The following MAD1L1 variants were observed in gnomAD, a reference collection of about 807,000 sequenced individuals.
The protein encoded by MAD1L1 is mitotic spindle assembly checkpoint protein MAD1.
Under a neutral mutation model 96.9 loss-of-function variants are expected in MAD1L1, and 95 were observed. The observed-to-expected ratio is 0.98, with a 90% CI of 0.83 to 1.16. The LOEUF (loss-of-function observed/expected upper bound fraction) is 1.16. Among genes scored for constraint, MAD1L1 ranks in the 50% most tolerant of loss-of-function variants. The pLI is 0.00. For missense variants in MAD1L1, 1,007 were observed against 954.4 expected, an observed-to-expected ratio of 1.06 and a Z score of -0.73; for synonymous variants, 473 against 396.6, an observed-to-expected ratio of 1.19 and a Z score of -2.29.
intron 17 of MAD1L1, among the ~76,000 whole-genome samples, chr7:1,914,462 G>A (rs996859008): frequency 2.6e-5 from 4 of 152,246 alleles, no homozygotes; most frequent in Admixed American, 1.3e-4. Context: ...AGGAAAGGCC[G>A]TGTGCCAAGG....
At chr7:2,100,817 T>A (rs1786743677) in intron 11 of MAD1L1, among the ~76,000 whole-genome samples, 1 of 152,204 alleles carries the variant, frequency 6.6e-6, no homozygotes, top group African/African-American at 2.4e-5. Flanking sequence ...GAACAGCTCG[T>A]TGCCCAAGGC....
intron 11 of MAD1L1, among the ~76,000 whole-genome samples, chr7:2,124,333 G>A (rs1232814047): frequency 6.6e-6 from 1 of 152,222 alleles, no homozygotes; most frequent in African/African-American, 2.4e-5. Flanking sequence ...CACAGACACG[G>A]GGGTGTGGAA....
At position 1,876,181 on chromosome 7, in the gene MAD1L1, A is replaced by C. The variant is rs547842721; in HGVS notation, c.1998+22019T>G. Among the ~76,000 whole-genome samples the C allele has an allele frequency of 9.2e-5, 14 of 152,242 alleles. No individual in the cohort carries two copies. The East Asian group carries it at 2.7e-3, about 29-fold the overall frequency. ...TTGGCTCCATAGATCTCTGTAACGT[A>C]CTTATGCGGGAGGATGGTAGCGGCA... On this transcript the variant is annotated intron_variant, in intron 18 of 18. Coordinates refer to ENST00000265854, the MANE Select transcript of MAD1L1 (RefSeq NM_001013836.2).
intron 11 of MAD1L1, among the ~76,000 whole-genome samples, chr7:2,126,813 A>G (rs1438742710): frequency 6.6e-6 from 1 of 152,212 alleles, no homozygotes; most frequent in African/African-American, 2.4e-5. Flanking sequence ...GCAGGTGCTC[A>G]CTGACACTGT....
intron 18 of MAD1L1, among the ~76,000 whole-genome samples, chr7:1,852,714 T>C (rs1184300115): frequency 6.6e-6 from 1 of 152,004 alleles, no homozygotes; most frequent in African/African-American, 2.4e-5. Flanking sequence ...TACCGCTAAA[T>C]CACCCGGTGT....
At chr7:2,025,921 GT>G (rs1782977540) in intron 12 of MAD1L1, among the ~76,000 whole-genome samples, 1 of 152,060 alleles carries the variant, frequency 6.6e-6, no homozygotes, top group African/African-American at 2.4e-5. Context: ...CGATTAAGAT[GT>G]TTTCATAAAA....
chr7:2,079,706 G>T (rs761029960), intron 11 of MAD1L1: 2 of 470,816 alleles, frequency 4.2e-6, no homozygotes, highest in East Asian at 6.9e-5. Flanking sequence ...ACCTGTAATC[G>T]CCTGGGCAGG....
chr7:2,011,240 C>A (rs954780746), intron 13 of MAD1L1, among the ~76,000 whole-genome samples: 1 of 152,100 alleles, frequency 6.6e-6, no homozygotes, highest in African/African-American at 2.4e-5. Context: ...TGGCCCTCCA[C>A]GGGGGCATCC....
intron 11 of MAD1L1, among the ~76,000 whole-genome samples, chr7:2,123,481 C>G (rs1022870358): frequency 2.0e-5 from 3 of 152,096 alleles, no homozygotes; most frequent in Non-Finnish European, 4.4e-5. Context: ...GCGGCTGACA[C>G]CCGGTGGGCT....
intron 10 of MAD1L1, among the ~76,000 whole-genome samples, chr7:2,168,911 A>G (rs958636011): frequency 1.3e-5 from 2 of 152,198 alleles, no homozygotes; most frequent in African/African-American, 2.4e-5. Context: ...CACGCTAAGG[A>G]GCCAGGGATG....
intron 11 of MAD1L1, among the ~76,000 whole-genome samples, chr7:2,120,419 C>T (rs537482095): frequency 6.6e-6 from 1 of 152,378 alleles, no homozygotes; most frequent in African/African-American, 2.4e-5. Context: ...CTGGCCGCCA[C>T]ACCCTGGAGA....
chr7:1,953,193 C>G (rs573586377), intron 16 of MAD1L1, among the ~76,000 whole-genome samples: 2 of 152,214 alleles, frequency 1.3e-5, no homozygotes, highest in Admixed American at 1.3e-4. Context: ...TACCGCACCA[C>G]CTGCCTGCTG....
intron 10 of MAD1L1, among the ~76,000 whole-genome samples, chr7:2,169,615 C>G (rs1331553352): frequency 6.6e-6 from 1 of 152,206 alleles, no homozygotes; most frequent in African/African-American, 2.4e-5. Flanking sequence ...ATTAACAGGT[C>G]AGGTGCATGG....
At chr7:2,124,113 C>T (rs1788114161) in intron 11 of MAD1L1, among the ~76,000 whole-genome samples, 1 of 152,216 alleles carries the variant, frequency 6.6e-6, no homozygotes, top group South Asian at 2.1e-4. Context: ...ACAGATGCAG[C>T]CGGGAGCCCC....
intron 11 of MAD1L1, among the ~76,000 whole-genome samples, chr7:2,094,086 G>T (rs540980319): frequency 2.0e-5 from 3 of 152,336 alleles, no homozygotes; most frequent in African/African-American, 7.2e-5. Context: ...TGGTGAGTGG[G>T]GAGCCCGCTG....
chr7:2,180,167 G>T (rs73287696), intron 10 of MAD1L1, among the ~76,000 whole-genome samples: 4,791 of 152,198 alleles, frequency 0.031, 276 homozygotes, highest in African/African-American at 0.11. Flanking sequence ...GCTGTCCATG[G>T]GGACTGAGAT....
Position 1,957,682 on chromosome 7 carries a change from GC to G in MAD1L1, c.1542del (p.Leu515TrpfsTer31). ...KVEELEGERS[R>X]LEEEKRMLEA... ...TCCAGCATCCTCTTTTCCTCCTCCA[GC>G]CGACTCCGCTCGCCTTCCAGCTCCT... On this transcript the variant is annotated frameshift_variant, in exon 16 of 19. Coordinates refer to ENST00000265854, the MANE Select transcript of MAD1L1 (RefSeq NM_001013836.2). LOFTEE classifies it high-confidence loss of function. 2 of 1,614,114 alleles carry G rather than the reference GC, an allele frequency of 1.2e-6. No homozygotes were observed. Among genetic ancestry groups the G allele is most frequent in the Non-Finnish European group, 1.7e-6 (2 of 1,180,038 alleles).
intron 17 of MAD1L1, among the ~76,000 whole-genome samples, chr7:1,904,571 G>A (rs1333610084): frequency 1.6e-5 from 2 of 128,738 alleles, no homozygotes; most frequent in African/African-American, 3.6e-5. Context: ...GTGGCCTACG[G>A]AAGACGCTCT....
intron 9 of MAD1L1, among the ~76,000 whole-genome samples, chr7:2,215,033 A>G (rs1470751300): frequency 6.6e-6 from 1 of 152,074 alleles, no homozygotes; most frequent in African/African-American, 2.4e-5. Context: ...GGAGTTCAGG[A>G]CCAGCCTAGG....
Sources: gnomAD v4.1 joint callset for allele counts (sites outside exome capture counted in the v4.1 genomes callset) on GRCh38, gnomAD v4.1.1 for gene constraint, MANE v1.5 for transcripts, NCBI Gene and HGNC (gene_info 2026-07-23, HGNC 2026-07-21) for gene names.